COBL: variants seen among roughly 807,000 people sequenced by gnomAD.
The protein encoded by COBL is cordon-bleu WH2 repeat protein.
COBL carries 51 observed loss-of-function variants against 98.8 expected under a neutral mutation model. The ratio of observed to expected loss-of-function variants is 0.52; its 90% CI spans 0.41 to 0.65. The LOEUF (loss-of-function observed/expected upper bound fraction) is 0.65, where lower values mean the gene tolerates loss of function less well. COBL is among the 30% of genes least tolerant of loss of function. COBL has a pLI of 0.00. For synonymous variants in COBL, 634 were observed against 651.7 expected (o/e 0.97, Z 0.41); for missense variants, 1,617 against 1,617.5 (o/e 1.00, Z 0.01).
intron 2 of COBL, among the ~76,000 whole-genome samples, chr7:51,219,073 A>G (rs927761525): frequency 2.6e-5 from 4 of 152,220 alleles, no homozygotes; most frequent in Non-Finnish European, 5.9e-5. Context: ...TCTATTGGTC[A>G]CAAACTCAAA....
chr7:51,069,330 C>G (rs1035487697), intron 7 of COBL, among the ~76,000 whole-genome samples: 1 of 152,248 alleles, frequency 6.6e-6, no homozygotes, highest in African/African-American at 2.4e-5. Context: ...CTGCATCTGC[C>G]TCTCTGGTCC....
chr7:51,133,900 C>T (rs915945110), intron 6 of COBL, among the ~76,000 whole-genome samples: 1 of 152,128 alleles, frequency 6.6e-6, no homozygotes, highest in Admixed American at 6.5e-5. Flanking sequence ...AATATTATCC[C>T]ACCGTTAGGA....
chr7:51,254,377 T>G (rs1797017667), intron 1 of COBL, among the ~76,000 whole-genome samples: 1 of 152,202 alleles, frequency 6.6e-6, no homozygotes, highest in South Asian at 2.1e-4. Flanking sequence ...TGTGCTAAAC[T>G]GAGTCCTACA....
At chr7:51,255,205 A>C (rs916064041) in intron 1 of COBL, among the ~76,000 whole-genome samples, 1 of 152,208 alleles carries the variant, frequency 6.6e-6, no homozygotes, top group East Asian at 1.9e-4. Flanking sequence ...AGAGAAGAAT[A>C]ATCCTAGCGA....
rs141601001 is a variant in COBL at position 51,028,443 on chromosome 7, C to T, written c.2653G>A (p.Val885Met). Residue 885 changes from valine to methionine, a missense_variant, in exon 10 of 13, where the codon GTG becomes ATG. Around this residue, in one of 3 missense-constraint regions of COBL, gnomAD observed 1,304 missense variants for 1,282.0 expected, o/e 1.02. Transcript: ENST00000265136. ...TCGGCATAACCGTGTGGCCTCACCA[C>T]ATCAGCATGGACTTTTGGGGCTCCT... The part of the protein sequence containing the change: ...RIGAPKVHAD[V>M]VRPHGYAEKG... 6.2e-6 allele frequency: 10 copies of T among 1,614,160 alleles called. No homozygotes were observed. The African/African-American group carries it at 8.0e-5, about 13-fold the overall frequency.
intron 7 of COBL, among the ~76,000 whole-genome samples, chr7:51,055,222 G>T (rs1176954353): frequency 6.6e-6 from 1 of 152,066 alleles, no homozygotes; most frequent in African/African-American, 2.4e-5. Context: ...GCCCCAGCGC[G>T]CATCCTTCCT....
intron 1 of COBL, among the ~76,000 whole-genome samples, chr7:51,299,918 C>T (rs1303798933): frequency 6.6e-6 from 1 of 152,148 alleles, no homozygotes; most frequent in Non-Finnish European, 1.5e-5. Flanking sequence ...CATTAAGCTG[C>T]TATGAAAGTC....
intron 2 of COBL, among the ~76,000 whole-genome samples, chr7:51,214,537 A>C (rs2129081503): frequency 6.6e-6 from 1 of 152,084 alleles, no homozygotes; most frequent in East Asian, 1.9e-4. Context: ...TGATCTCCTC[A>C]TTTTTTGGCC....
intron 5 of COBL, among the ~76,000 whole-genome samples, chr7:51,164,682 C>G (rs764763408): frequency 2.0e-5 from 3 of 151,940 alleles, no homozygotes; most frequent in Admixed American, 6.6e-5. Context: ...ACAAAACTCA[C>G]GGGTAATAGT....
chr7:51,260,201 C>T lies in COBL; in HGVS notation c.42-40257G>A, dbSNP rs535914743. 7.0e-4 allele frequency: 506 copies of T among 720,912 alleles called. 9 individuals are homozygous for T. In the South Asian group the frequency reaches 8.4e-3, roughly 12 times the overall value. 44.7% of individuals were successfully genotyped at this position (720,912 alleles called of 1,614,324 possible). ...AGTTGTAGCTACTGATCATGCGTAA[C>T]TCTACCACATGGGGAAGATGGCACT... On this transcript the variant is annotated intron_variant, in intron 1 of 12. Coordinates refer to ENST00000265136, the MANE Select transcript of COBL (RefSeq NM_015198.5).
chr7:51,159,928 T>C (rs1295687957), intron 5 of COBL, among the ~76,000 whole-genome samples: 5 of 152,260 alleles, frequency 3.3e-5, no homozygotes, highest in Non-Finnish European at 7.3e-5. Flanking sequence ...GTTTCACTAT[T>C]GTTGCCCAGG....
chr7:51,275,316 C>T (rs1239105314), intron 1 of COBL, among the ~76,000 whole-genome samples: 1 of 152,142 alleles, frequency 6.6e-6, no homozygotes, highest in Non-Finnish European at 1.5e-5. Flanking sequence ...GGCACAAGTC[C>T]CCTCCATCCT....
At chr7:51,208,141 G>C (rs1305339027) in intron 2 of COBL, among the ~76,000 whole-genome samples, 2 of 149,506 alleles carry the variant, frequency 1.3e-5, no homozygotes, top group African/African-American at 4.9e-5. Flanking sequence ...GGGAGGTGAG[G>C]AGCGTCTCTG....
chr7:51,271,459 A>C (rs1798750010), intron 1 of COBL, among the ~76,000 whole-genome samples: 1 of 152,198 alleles, frequency 6.6e-6, no homozygotes, highest in African/African-American at 2.4e-5. Context: ...GCAACTACTT[A>C]CGTCAGTCAC....
chr7:51,311,189 G>A (rs766941287), intron 1 of COBL, among the ~76,000 whole-genome samples: 13 of 152,184 alleles, frequency 8.5e-5, no homozygotes, highest in Non-Finnish European at 1.8e-4. Context: ...AATGTTTTTA[G>A]CTGGGGGATT....
At chr7:51,039,801 C>T (rs980749394) in intron 8 of COBL, among the ~76,000 whole-genome samples, 7 of 152,226 alleles carry the variant, frequency 4.6e-5, no homozygotes, top group Non-Finnish European at 8.8e-5. Context: ...TGTTCCGTTT[C>T]ACCCTGAGTG....
intron 7 of COBL, among the ~76,000 whole-genome samples, chr7:51,047,904 C>T (rs901524633): frequency 6.6e-6 from 1 of 152,140 alleles, no homozygotes; most frequent in Non-Finnish European, 1.5e-5. Context: ...CAGTGGCTCA[C>T]ACCTGTAATC....
chr7:51,139,248 G>A (rs934162419), intron 5 of COBL, among the ~76,000 whole-genome samples: 1 of 152,114 alleles, frequency 6.6e-6, no homozygotes, highest in Non-Finnish European at 1.5e-5. Context: ...TTTAGATAAA[G>A]CACATTAGAA....
At chr7:51,199,890 CAGAGGGAAGTTGACATAAAGTCCTA>C (rs1790954497) in intron 2 of COBL, among the ~76,000 whole-genome samples, 4 of 151,790 alleles carry the variant, frequency 2.6e-5, no homozygotes. Context: ...CCCAACTCTA[CAGAGGGAAGTTGACATAAAGTCCTA>C]AGATCTTCAA....
Sources: gnomAD v4.1 joint callset for allele counts (sites outside exome capture counted in the v4.1 genomes callset) on GRCh38, gnomAD v4.1.1 for gene constraint, gnomAD v4.1.1 regional missense constraint, MANE v1.5 for transcripts, NCBI Gene and HGNC (gene_info 2026-07-23, HGNC 2026-07-21) for gene names.